The following DYNLL1 variants were observed in gnomAD, a reference collection of about 807,000 sequenced individuals.
DYNLL1 encodes dynein light chain 1, cytoplasmic.
A neutral mutation model predicts 10.1 loss-of-function variants in DYNLL1; 3 were observed. The observed-to-expected ratio is 0.30, with a 90% CI of 0.14 to 0.77. The LOEUF is 0.77. Among genes scored for constraint, DYNLL1 ranks in the 30% least tolerant of loss-of-function variants. DYNLL1 has a pLI of 0.66. For missense variants in DYNLL1, 47 were observed against 111.7 expected (o/e 0.42, Z 2.61); for synonymous variants, 46 against 41.2 (o/e 1.12, Z -0.45).
intron 1 of DYNLL1, among the ~76,000 whole-genome samples, chr12:120,485,251 C>CTT (rs34043402): frequency 2.8e-3 from 217 of 76,824 alleles, no homozygotes; most frequent in African/African-American, 3.3e-3. Flanking sequence ...TTGTAGAAGG[C>CTT]TTTTTTTTTT....
chr12:120,495,872 C>G (rs1311169677), upstream of DYNLL1: 1 of 162,052 alleles, frequency 6.2e-6, no homozygotes, highest in Non-Finnish European at 1.4e-5. Context: ...GCTCCACCTT[C>G]TGGGTGTGTG....
At chr12:120,492,482 G>A (rs912101049), upstream of DYNLL1, among the ~76,000 whole-genome samples, 2 of 152,062 alleles carry the variant, frequency 1.3e-5, no homozygotes, top group African/African-American at 4.8e-5. This position sits in a 1 kb window ranked among gnomAD's most constrained non-coding sequence, Gnocchi z 4.1. Context: ...CAGGAGAATC[G>A]CTTGAACCCA....
At chr12:120,480,156 C>T (rs186290585) in intron 1 of DYNLL1, among the ~76,000 whole-genome samples, 65 of 152,122 alleles carry the variant, frequency 4.3e-4, no homozygotes, top group East Asian at 2.3e-3. Context: ...TCAGGGGGAG[C>T]GGAATTCAAA....
At chr12:120,491,530 G>A (rs1879129925), upstream of DYNLL1, 1 of 152,396 alleles carries the variant, frequency 6.6e-6, no homozygotes, top group South Asian at 2.1e-4. Context: ...GTGGTCACAG[G>A]ACTCATGGTT....
chr12:120,483,531 G>A (rs1219149992), intron 1 of DYNLL1, among the ~76,000 whole-genome samples: 2 of 152,118 alleles, frequency 1.3e-5, no homozygotes, highest in African/African-American at 4.8e-5. Context: ...CAGTGATAAG[G>A]AAGCCTGCAG....
chr12:120,485,991 T>C (rs1343725598), intron 1 of DYNLL1, among the ~76,000 whole-genome samples: 2 of 152,184 alleles, frequency 1.3e-5, no homozygotes, highest in African/African-American at 4.8e-5. Flanking sequence ...TTCCTTGTGT[T>C]CTTCTGTATC....
At chr12:120,489,154 C>A (rs952733662) in intron 1 of DYNLL1, among the ~76,000 whole-genome samples, 4 of 152,188 alleles carry the variant, frequency 2.6e-5, no homozygotes, top group African/African-American at 4.8e-5. Flanking sequence ...TCTACACGTA[C>A]TCCGCCCTCA....
At chr12:120,484,686 G>A (rs1482083328) in intron 1 of DYNLL1, among the ~76,000 whole-genome samples, 2 of 151,452 alleles carry the variant, frequency 1.3e-5, no homozygotes, top group South Asian at 2.1e-4. Context: ...TGAAAAACTG[G>A]AAGCAACTTA....
intron 1 of DYNLL1, among the ~76,000 whole-genome samples, chr12:120,484,314 G>A (rs975129833): frequency 1.4e-5 from 2 of 139,494 alleles, no homozygotes; most frequent in Admixed American, 7.4e-5. Flanking sequence ...ACAGGGTAAC[G>A]GCAAGGGAGG....
At chr12:120,497,841 C>T in intron 2 of DYNLL1, 2 of 530,774 alleles carry the variant, frequency 3.8e-6, no homozygotes, top group African/African-American at 1.9e-5. Flanking sequence ...TTAGGGCTGA[C>T]CTTTCGTCCT....
At chr12:120,483,291 T>C (rs1404432477) in intron 1 of DYNLL1, among the ~76,000 whole-genome samples, 1 of 151,516 alleles carries the variant, frequency 6.6e-6, no homozygotes, top group African/African-American at 2.4e-5. Context: ...TGAGCTGAGA[T>C]TGTGCTACTG....
chr12:120,486,576 C>A (rs1878999063), intron 1 of DYNLL1, among the ~76,000 whole-genome samples: 1 of 151,696 alleles, frequency 6.6e-6, no homozygotes, highest in Admixed American at 6.6e-5. Flanking sequence ...TCAAGCAATC[C>A]TCCCCGCTGT....
intron 1 of DYNLL1, among the ~76,000 whole-genome samples, chr12:120,476,743 C>T (rs1045701759): frequency 7.9e-5 from 12 of 151,842 alleles, no homozygotes; most frequent in African/African-American, 2.4e-4. Flanking sequence ...TCCTGAGTAG[C>T]TGGGATTACA....
upstream of DYNLL1, among the ~76,000 whole-genome samples, chr12:120,494,166 GTAA>G (rs1879208539): frequency 6.6e-6 from 1 of 151,920 alleles, no homozygotes; most frequent in African/African-American, 2.4e-5. Flanking sequence ...AGGTACTATA[GTAA>G]TATTATAACT....
intron 1 of DYNLL1, among the ~76,000 whole-genome samples, chr12:120,475,727 G>A (rs186057879): frequency 6.6e-6 from 1 of 152,042 alleles, no homozygotes; most frequent in African/African-American, 2.4e-5. Flanking sequence ...CTACCATACA[G>A]GACAGCGTAG....
chr12:120,484,405 T>C (rs986471106), intron 1 of DYNLL1, among the ~76,000 whole-genome samples: 20 of 152,178 alleles, frequency 1.3e-4, no homozygotes, highest in African/African-American at 4.1e-4. Context: ...AGGAATAAAG[T>C]AGATTTATAT....
At chr12:120,492,587 A>T (rs1879159083), upstream of DYNLL1, among the ~76,000 whole-genome samples, 3 of 152,144 alleles carry the variant, frequency 2.0e-5, no homozygotes, top group South Asian at 6.2e-4. The surrounding 1 kb of genome is among the most constrained non-coding windows in gnomAD (Gnocchi z 4.1). Flanking sequence ...AATAAATAAA[A>T]ATAAAAAATA....
At chr12:120,479,442 C>A (rs1878827858) in intron 1 of DYNLL1, among the ~76,000 whole-genome samples, 1 of 90,942 alleles carries the variant, frequency 1.1e-5, no homozygotes, top group African/African-American at 4.3e-5. Context: ...GAGTGAAACT[C>A]CGTCTCCAAA....
intron 1 of DYNLL1, among the ~76,000 whole-genome samples, chr12:120,480,416 A>T (rs1026497279): frequency 2.1e-4 from 32 of 152,134 alleles, no homozygotes; most frequent in Non-Finnish European, 7.4e-5. Context: ...TAGAGACAAC[A>T]CCATCTCCAC....
Sources: allele counts gnomAD v4.1 joint callset (sites outside exome capture counted in the v4.1 genomes callset), GRCh38; gene constraint gnomAD v4.1.1; non-coding constraint Gnocchi (gnomAD v3.1); transcripts MANE v1.5; gene names NCBI Gene and HGNC (gene_info 2026-07-23, HGNC 2026-07-21).